The following LINGO2 variants were observed in gnomAD, a reference collection of about 807,000 sequenced individuals.
LINGO2 encodes the protein leucine-rich repeat and immunoglobulin-like domain-containing nogo receptor-interacting protein 2.
LINGO2 carries 14 observed loss-of-function variants against 30.6 expected under a neutral mutation model. That is an observed-to-expected ratio of 0.46 (90% CI 0.30 to 0.72). LINGO2 has a LOEUF of 0.72. Among genes scored for constraint, LINGO2 ranks in the 30% least tolerant of loss-of-function variants. LINGO2 has a pLI of 0.07. For synonymous variants in LINGO2, 317 were observed against 288.5 expected (o/e 1.10, Z -1.00); for missense variants, 729 against 751.7 (o/e 0.97, Z 0.35).
the LINGO2 span, among the ~76,000 whole-genome samples, chr9:28,739,368 T>C: frequency 2.6e-5 from 4 of 151,900 alleles, no homozygotes; most frequent in African/African-American, 2.4e-5. Flanking sequence ...CATGACATGA[T>C]TGTCTAATGG....
intron 1 of LINGO2, among the ~76,000 whole-genome samples, chr9:28,479,240 G>T (rs1825838583): frequency 6.6e-6 from 1 of 151,882 alleles, no homozygotes; most frequent in Admixed American, 6.6e-5. Flanking sequence ...TGGCAAAAAT[G>T]ATATTAAATT....
chr9:28,143,353 G>C (rs1827727665), intron 4 of LINGO2, among the ~76,000 whole-genome samples: 2 of 152,256 alleles, frequency 1.3e-5, no homozygotes, highest in South Asian at 4.1e-4. Context: ...AATTCTAAGA[G>C]TCATTGGATT....
At chr9:28,388,178 A>G (rs900044847) in intron 2 of LINGO2, among the ~76,000 whole-genome samples, 3 of 152,318 alleles carry the variant, frequency 2.0e-5, no homozygotes, top group African/African-American at 7.2e-5. Flanking sequence ...TTGTGTAACT[A>G]GACTTGCTTT....
intron 1 of LINGO2, among the ~76,000 whole-genome samples, chr9:28,534,519 A>AT (rs1821353042): frequency 6.6e-6 from 1 of 152,022 alleles, no homozygotes; most frequent in Non-Finnish European, 1.5e-5. Flanking sequence ...TGCCTTGATT[A>AT]TTTTTTCATT....
At chr9:28,966,815 G>A in the LINGO2 span, among the ~76,000 whole-genome samples, 5 of 152,048 alleles carry the variant, frequency 3.3e-5, no homozygotes, top group Non-Finnish European at 7.4e-5. Flanking sequence ...ACAGTTAAAA[G>A]CAGCATTATT....
intron 1 of LINGO2, among the ~76,000 whole-genome samples, chr9:28,547,832 C>A (rs1267384505): frequency 2.0e-5 from 3 of 152,034 alleles, no homozygotes; most frequent in Non-Finnish European, 4.4e-5. Context: ...AAGCTGAAAC[C>A]AATGTCTTCA....
chr9:28,726,110 T>C, the LINGO2 span, among the ~76,000 whole-genome samples: 2 of 152,334 alleles, frequency 1.3e-5, no homozygotes, highest in Non-Finnish European at 2.9e-5. Context: ...AGCAATCATT[T>C]TGAGCCCTCA....
the LINGO2 span, among the ~76,000 whole-genome samples, chr9:28,896,880 T>C: frequency 2.6e-5 from 4 of 152,064 alleles, no homozygotes; most frequent in Admixed American, 2.0e-4. Flanking sequence ...TAGAAACAAA[T>C]CCTCTTTTCT....
At chr9:28,873,659 T>A in the LINGO2 span, among the ~76,000 whole-genome samples, 1 of 152,048 alleles carries the variant, frequency 6.6e-6, no homozygotes, top group Non-Finnish European at 1.5e-5. Flanking sequence ...AGGATGTCAG[T>A]TTTTATTTTA....
At chr9:29,150,403 T>C in the LINGO2 span, among the ~76,000 whole-genome samples, 4 of 152,132 alleles carry the variant, frequency 2.6e-5, no homozygotes, top group South Asian at 2.1e-4. Context: ...ACTAGCTCTA[T>C]AATAATGGTT....
intron 4 of LINGO2, among the ~76,000 whole-genome samples, chr9:28,247,392 A>G (rs1043920529): frequency 1.3e-5 from 2 of 152,264 alleles, no homozygotes; most frequent in Admixed American, 6.5e-5. Flanking sequence ...AATGTGGTAC[A>G]TATAAACCAT....
chr9:28,922,804 T>A, the LINGO2 span, among the ~76,000 whole-genome samples: 1 of 152,232 alleles, frequency 6.6e-6, no homozygotes. Context: ...TTCAAACATA[T>A]GCCCGTCTTA....
intron 2 of LINGO2, among the ~76,000 whole-genome samples, chr9:28,375,086 C>A (rs1177958745): frequency 8.6e-6 from 1 of 116,416 alleles, no homozygotes; most frequent in Non-Finnish European, 1.8e-5. Flanking sequence ...ACACACACCC[C>A]TTAACACACA....
At chr9:29,033,527 G>T in the LINGO2 span, among the ~76,000 whole-genome samples, 24 of 151,778 alleles carry the variant, frequency 1.6e-4, no homozygotes, top group African/African-American at 5.5e-4. Flanking sequence ...ATCCATAGAA[G>T]TGTTGCCAAG....
chr9:27,986,374 C>T (rs914361763), intron 5 of LINGO2, among the ~76,000 whole-genome samples: 1 of 151,792 alleles, frequency 6.6e-6, no homozygotes, highest in Non-Finnish European at 1.5e-5. Flanking sequence ...TTGAAATTAG[C>T]ACCTGTGACC....
chr9:28,577,052 A>C (rs1157362608), intron 1 of LINGO2, among the ~76,000 whole-genome samples: 1 of 152,200 alleles, frequency 6.6e-6, no homozygotes, highest in Non-Finnish European at 1.5e-5. Context: ...GCTTGGGCCA[A>C]GCTAACTTTG....
At chr9:28,879,680 A>G in the LINGO2 span, among the ~76,000 whole-genome samples, 1 of 152,188 alleles carries the variant, frequency 6.6e-6, no homozygotes, top group Non-Finnish European at 1.5e-5. Flanking sequence ...CCCTCTTTGT[A>G]GAGTTCCATG....
At chr9:28,964,888 C>A in the LINGO2 span, among the ~76,000 whole-genome samples, 1 of 151,972 alleles carries the variant, frequency 6.6e-6, no homozygotes, top group South Asian at 2.1e-4. Flanking sequence ...AAGGAAGCAA[C>A]TAGGAAGAAG....
intron 1 of LINGO2, among the ~76,000 whole-genome samples, chr9:28,578,548 A>C (rs1480249637): frequency 6.6e-6 from 1 of 152,186 alleles, no homozygotes; most frequent in Non-Finnish European, 1.5e-5. Flanking sequence ...TACAAGACTC[A>C]ATTTATAACA....
Sources: allele counts gnomAD v4.1 joint callset (sites outside exome capture counted in the v4.1 genomes callset), GRCh38; gene constraint gnomAD v4.1.1; transcripts MANE v1.5; gene names NCBI Gene and HGNC (gene_info 2026-07-23, HGNC 2026-07-21).